The following CMSS1 variants were observed in gnomAD, a reference collection of about 807,000 sequenced individuals.
CMSS1 encodes the protein cms1 ribosomal small subunit homolog.
In CMSS1, 33 loss-of-function variants were observed where a neutral mutation model predicts 43.5. The observed-to-expected ratio is 0.76, with a 90% CI of 0.57 to 1.01. CMSS1 has a LOEUF of 1.01. Ranked by LOEUF, CMSS1 falls within the 50% of genes least tolerant of loss-of-function variation. The pLI is 0.00. For missense variants in CMSS1, 313 were observed against 326.4 expected (o/e 0.96, Z 0.32); for synonymous variants, 115 against 117.2 (o/e 0.98, Z 0.12).
chr3:99,984,924 T>C (rs1709286304), intron 1 of CMSS1, among the ~76,000 whole-genome samples: 1 of 152,186 alleles, frequency 6.6e-6, no homozygotes, highest in South Asian at 2.1e-4. Flanking sequence ...ACAACTGGAA[T>C]TCCCAGGTTA....
At chr3:99,962,626 TAAC>T (rs917714874) in intron 1 of CMSS1, among the ~76,000 whole-genome samples, 2 of 152,126 alleles carry the variant, frequency 1.3e-5, no homozygotes, top group African/African-American at 2.4e-5. Flanking sequence ...TAATTAATAA[TAAC>T]AACAACAACA....
intron 1 of CMSS1, among the ~76,000 whole-genome samples, chr3:99,829,586 A>C (rs367834732): frequency 9.9e-5 from 15 of 152,234 alleles, no homozygotes; most frequent in East Asian, 3.8e-4. Context: ...TTGTCACATG[A>C]ATGAAAATCT....
chr3:100,152,384 G>A (rs900837275), intron 2 of CMSS1, among the ~76,000 whole-genome samples: 1 of 152,006 alleles, frequency 6.6e-6, no homozygotes, highest in Non-Finnish European at 1.5e-5. Context: ...GGTGTCACCT[G>A]TGATGCTTCT....
Position 100,060,226 on chromosome 3 carries a change from A to G in CMSS1, c.65-86747A>G, listed in dbSNP as rs552546653. Among the ~76,000 whole-genome samples, 5 of 152,288 alleles carry G rather than the reference A, an allele frequency of 3.3e-5. No individual in the cohort carries two copies. In the East Asian group the frequency reaches 7.7e-4, roughly 23 times the overall value. ...GAGCCCCTAAAGATTTTTTTGATCT[A>G]CTATTTTAGAAAATAAAATCTACTG... On this transcript the variant is annotated intron_variant, in intron 1 of 9. Coordinates refer to ENST00000421999, the MANE Select transcript of CMSS1 (RefSeq NM_032359.4).
At chr3:99,995,693 A>G (rs1383909794) in intron 1 of CMSS1, among the ~76,000 whole-genome samples, 1 of 152,198 alleles carries the variant, frequency 6.6e-6, no homozygotes, top group Non-Finnish European at 1.5e-5. Context: ...AGAGGTTCCC[A>G]AACCCCAATC....
chr3:100,122,796 G>A (rs371785979), intron 1 of CMSS1, among the ~76,000 whole-genome samples: 6 of 152,162 alleles, frequency 3.9e-5, no homozygotes, highest in Admixed American at 6.5e-5. Context: ...TCCAGTCAGG[G>A]TGGTCCTGGT....
chr3:100,063,462 T>A (rs756947791), intron 1 of CMSS1, among the ~76,000 whole-genome samples: 3 of 152,162 alleles, frequency 2.0e-5, no homozygotes, highest in Non-Finnish European at 4.4e-5. Context: ...CTCAGAATGA[T>A]GGCCTTAATT....
chr3:100,091,685 T>C (rs1324133196), intron 1 of CMSS1, among the ~76,000 whole-genome samples: 1 of 152,232 alleles, frequency 6.6e-6, no homozygotes, highest in Admixed American at 6.5e-5. Flanking sequence ...TTCCTGTTTC[T>C]GCCATCTCTG....
At chr3:99,853,035 C>G (rs1315034889) in intron 1 of CMSS1, among the ~76,000 whole-genome samples, 1 of 152,176 alleles carries the variant, frequency 6.6e-6, no homozygotes, top group Non-Finnish European at 1.5e-5. Context: ...CATCCAAGGT[C>G]TTGGCAAAAG....
chr3:99,904,608 T>A (rs1410264562), intron 1 of CMSS1, among the ~76,000 whole-genome samples: 2 of 152,202 alleles, frequency 1.3e-5, no homozygotes, highest in Non-Finnish European at 2.9e-5. Context: ...TCTCTTTTTT[T>A]TGTTTTTTTG....
At chr3:99,934,211 A>G (rs527602989) in intron 1 of CMSS1, among the ~76,000 whole-genome samples, 2 of 152,332 alleles carry the variant, frequency 1.3e-5, no homozygotes, top group South Asian at 4.2e-4. Context: ...CAGATTCAAG[A>G]TTGAGGAAAT....
chr3:99,887,288 G>A (rs1705932936), intron 1 of CMSS1, among the ~76,000 whole-genome samples: 1 of 152,096 alleles, frequency 6.6e-6, no homozygotes, highest in African/African-American at 2.4e-5. Context: ...AAAGTATCAG[G>A]CTTAGAAATA....
At chr3:99,849,814 T>C in intron 1 of CMSS1, 1 of 1,612,722 alleles carries the variant, frequency 6.2e-7, no homozygotes, top group Non-Finnish European at 8.5e-7. Flanking sequence ...CTTATTGTTT[T>C]CTTGGTGTAA....
intron 1 of CMSS1, among the ~76,000 whole-genome samples, chr3:100,104,343 G>A (rs753524619): frequency 6.6e-5 from 10 of 152,152 alleles, no homozygotes; most frequent in South Asian, 2.1e-4. Flanking sequence ...CACAAAGCCC[G>A]TTAACTACAT....
chr3:99,958,777 G>A (rs943272144), intron 1 of CMSS1, among the ~76,000 whole-genome samples: 1 of 152,120 alleles, frequency 6.6e-6, no homozygotes, highest in Non-Finnish European at 1.5e-5. Context: ...TGGAGAGGCT[G>A]GTGATGTAGT....
rs921737520 is a variant in CMSS1 at position 99,881,298 on chromosome 3, T to C, written c.64+63255T>C. ...ACTTAGGTCCAGTCCATTTGCTTAT[T>C]TATTCCTACAAACATTTTGTGTTTC... On this transcript the variant is annotated intron_variant, in intron 1 of 9. Coordinates refer to ENST00000421999, the MANE Select transcript of CMSS1 (RefSeq NM_032359.4). 2.0e-5 allele frequency among the ~76,000 whole-genome samples: 3 copies of C among 152,336 alleles called. No homozygotes were observed. The East Asian group carries it at 5.8e-4, about 29-fold the overall frequency.
At chr3:100,086,024 G>A (rs1178816835) in intron 1 of CMSS1, among the ~76,000 whole-genome samples, 1 of 152,190 alleles carries the variant, frequency 6.6e-6, no homozygotes, top group African/African-American at 2.4e-5. Context: ...AAGTACATCT[G>A]CATTTGAATA....
intron 2 of CMSS1, among the ~76,000 whole-genome samples, chr3:100,159,407 T>C (rs532568570): frequency 6.6e-6 from 1 of 152,350 alleles, no homozygotes; most frequent in South Asian, 2.1e-4. Context: ...GCCATAGACA[T>C]TCTCAATCTG....
chr3:99,832,084 G>A (rs895284004), intron 1 of CMSS1, among the ~76,000 whole-genome samples: 12 of 152,132 alleles, frequency 7.9e-5, no homozygotes, highest in Non-Finnish European at 1.0e-4. Flanking sequence ...CTGCCTGAAG[G>A]TTACTGGGCT....
Sources: gnomAD v4.1 joint callset for allele counts (sites outside exome capture counted in the v4.1 genomes callset) on GRCh38, gnomAD v4.1.1 for gene constraint, MANE v1.5 for transcripts, NCBI Gene and HGNC (gene_info 2026-07-23, HGNC 2026-07-21) for gene names.